Variants in BFSP2 observed in about 807,000 individuals in gnomAD.
BFSP2 encodes the protein phakinin.
Under a neutral mutation model 44.9 loss-of-function variants are expected in BFSP2, and 38 were observed. That is an observed-to-expected ratio of 0.85 (90% CI 0.65 to 1.11). The LOEUF (loss-of-function observed/expected upper bound fraction) is 1.11, where lower values mean the gene tolerates loss of function less well. Ranked by LOEUF, BFSP2 falls within the 50% of genes least tolerant of loss-of-function variation. The pLI is 0.00. For missense variants in BFSP2, 525 were observed against 533.0 expected (o/e 0.99, Z 0.15); for synonymous variants, 197 against 209.9 (o/e 0.94, Z 0.53).
chr3:133,456,504 T>G (rs1308411313), intron 4 of BFSP2, among the ~76,000 whole-genome samples: 3 of 152,190 alleles, frequency 2.0e-5, no homozygotes, highest in Admixed American at 2.0e-4. Flanking sequence ...CCCAGCACTT[T>G]GGGAGGTCAA....
At chr3:133,425,873 TAAA>T (rs1377917205) in intron 1 of BFSP2, among the ~76,000 whole-genome samples, 1 of 70,306 alleles carries the variant, frequency 1.4e-5, no homozygotes, top group Non-Finnish European at 2.6e-5. Context: ...GGAAGGGAAA[TAAA>T]GAAGGGAAGG....
At chr3:133,460,669 A>C (rs921188408) in intron 4 of BFSP2, among the ~76,000 whole-genome samples, 2 of 152,206 alleles carry the variant, frequency 1.3e-5, no homozygotes, top group Non-Finnish European at 2.9e-5. Flanking sequence ...AGCTTTTCAA[A>C]CCAAGCGTCT....
chr3:133,401,844 C>CTG (rs2073364877), intron 1 of BFSP2, among the ~76,000 whole-genome samples: 1 of 152,130 alleles, frequency 6.6e-6, no homozygotes, highest in African/African-American at 2.4e-5. Context: ...AGGGACTCCC[C>CTG]ATTTGCCCCT....
intron 4 of BFSP2, among the ~76,000 whole-genome samples, chr3:133,461,312 T>A (rs1017975925): frequency 6.6e-6 from 1 of 152,230 alleles, no homozygotes; most frequent in Non-Finnish European, 1.5e-5. Flanking sequence ...TAATTTAATT[T>A]GAAATTTTTG....
chr3:133,431,614 T>G (rs2073719392), intron 1 of BFSP2, among the ~76,000 whole-genome samples: 1 of 152,100 alleles, frequency 6.6e-6, no homozygotes, highest in Admixed American at 6.5e-5. Flanking sequence ...CCCGATCGCC[T>G]CAGAAGCCCC....
At chr3:133,459,036 T>C (rs1034288952) in intron 4 of BFSP2, among the ~76,000 whole-genome samples, 3 of 152,174 alleles carry the variant, frequency 2.0e-5, no homozygotes, top group African/African-American at 7.2e-5. Flanking sequence ...AACAGATTTT[T>C]CCCATAAAAA....
intron 4 of BFSP2, among the ~76,000 whole-genome samples, chr3:133,465,521 C>T (rs556097884): frequency 1.3e-5 from 2 of 152,286 alleles, no homozygotes; most frequent in East Asian, 3.9e-4. Flanking sequence ...TTCCCCAGAA[C>T]AGAGGAGTAA....
intron 1 of BFSP2, among the ~76,000 whole-genome samples, chr3:133,432,664 C>T (rs986500482): frequency 2.0e-5 from 3 of 152,190 alleles, no homozygotes; most frequent in Admixed American, 1.3e-4. Flanking sequence ...CAAAGGATAT[C>T]GAGTATCCCC....
At chr3:133,457,258 C>T (rs1272261207) in intron 4 of BFSP2, among the ~76,000 whole-genome samples, 1 of 152,240 alleles carries the variant, frequency 6.6e-6, no homozygotes, top group Admixed American at 6.5e-5. Context: ...GTGCTCAAGG[C>T]AAACACTGAA....
chr3:133,410,732 C>T, intron 1 of BFSP2: 1 of 244,172 alleles, frequency 4.1e-6, no homozygotes, highest in South Asian at 7.0e-5. Flanking sequence ...CAGAGCTGTC[C>T]TCTGAGCGCT....
intron 1 of BFSP2, among the ~76,000 whole-genome samples, chr3:133,422,765 C>CAGAATATAGCCCAGGTGT: frequency 6.8e-6 from 1 of 147,240 alleles, no homozygotes. Flanking sequence ...AGCCCAGCAC[C>CAGAATATAGCCCAGGTGT]TGCCAGAATA....
chr3:133,409,492 C>T (rs1281173329), intron 1 of BFSP2, among the ~76,000 whole-genome samples: 1 of 152,048 alleles, frequency 6.6e-6, no homozygotes. Context: ...GCCAACTTAG[C>T]GACAATGAAC....
At chr3:133,431,666 C>T (rs11718174) in intron 1 of BFSP2, among the ~76,000 whole-genome samples, 124,579 of 151,938 alleles carry the variant, frequency 0.82, 51,469 homozygotes, top group Middle Eastern at 0.94. Flanking sequence ...ACTCTCACAG[C>T]GGAGGGTAAG....
intron 4 of BFSP2, among the ~76,000 whole-genome samples, chr3:133,457,410 T>C (rs898806590): frequency 3.9e-5 from 6 of 152,226 alleles, no homozygotes; most frequent in Non-Finnish European, 7.3e-5. Flanking sequence ...TAGTTCAAAA[T>C]TCAAAACATA....
chr3:133,444,572 A>G (rs1178112456), intron 1 of BFSP2, among the ~76,000 whole-genome samples: 1 of 152,276 alleles, frequency 6.6e-6, no homozygotes, highest in African/African-American at 2.4e-5. Flanking sequence ...TGTGACTCAG[A>G]TGCAGGAACC....
chr3:133,473,265 A>G (rs1576602678), intron 6 of BFSP2, among the ~76,000 whole-genome samples: 1 of 152,154 alleles, frequency 6.6e-6, no homozygotes, highest in South Asian at 2.1e-4. Context: ...CAGGTGATCT[A>G]GGCTGCTCAA....
At chr3:133,433,121 G>A (rs2073744296) in intron 1 of BFSP2, among the ~76,000 whole-genome samples, 1 of 152,128 alleles carries the variant, frequency 6.6e-6, no homozygotes, top group Non-Finnish European at 1.5e-5. Context: ...TATTGTTCCT[G>A]GCCAGGACTT....
intron 1 of BFSP2, chr3:133,410,770 C>A (rs1004573138): frequency 2.3e-5 from 5 of 213,898 alleles, no homozygotes; most frequent in African/African-American, 9.3e-5. Flanking sequence ...GGTGACAGCA[C>A]AAATGAGCTG....
intron 4 of BFSP2, among the ~76,000 whole-genome samples, chr3:133,454,170 T>C (rs1447799438): frequency 2.6e-5 from 4 of 152,176 alleles, no homozygotes; most frequent in African/African-American, 4.8e-5. Context: ...AACTTTTTTT[T>C]TAAGTTGGGC....
Sources: gnomAD v4.1 joint callset for allele counts (sites outside exome capture counted in the v4.1 genomes callset) on GRCh38, gnomAD v4.1.1 for gene constraint, MANE v1.5 for transcripts, NCBI Gene and HGNC (gene_info 2026-07-23, HGNC 2026-07-21) for gene names.